Variants in ITGAE observed in about 807,000 individuals in gnomAD.
ITGAE encodes the protein integrin alpha-E.
ITGAE carries 99 observed loss-of-function variants against 136.5 expected under a neutral mutation model. The observed-to-expected ratio is 0.73, with a 90% CI of 0.62 to 0.86. The LOEUF is 0.86. Among genes scored for constraint, ITGAE ranks in the 40% least tolerant of loss-of-function variants. The probability of loss-of-function intolerance (pLI) is 0.00; values close to 1 mark genes in which losing one functional copy is unlikely to be tolerated. For synonymous variants in ITGAE, 613 were observed against 591.8 expected (o/e 1.04, Z -0.52); for missense variants, 1,447 against 1,515.3 (o/e 0.95, Z 0.75).
chr17:3,771,385 TG>T lies in ITGAE; in HGVS notation c.155+6154del, dbSNP rs200023798. On this transcript the variant is annotated intron_variant, in intron 2 of 30. Transcript: ENST00000263087. ...ATGAAAGTCAGCTGGGGGTTACTCTTGGCAGCAGATGTGTCTGGAAGGGAGT... is the reference window on the plus strand; with the variant it reads ...ATGAAAGTCAGCTGGGGGTTACTCTTGCAGCAGATGTGTCTGGAAGGGAGT... Among the ~76,000 whole-genome samples the T allele has an allele frequency of 5.1e-3, 782 of 152,258 alleles. 6 individuals carry two copies. The highest frequency in any genetic ancestry group is 0.018 in the African/African-American group (728 of 41,548).
At chr17:3,772,355 C>T (rs2052444724) in intron 2 of ITGAE, among the ~76,000 whole-genome samples, 1 of 152,140 alleles carries the variant, frequency 6.6e-6, no homozygotes, top group African/African-American at 2.4e-5. Flanking sequence ...CTCTTATTCC[C>T]CAAATATTGC....
chr17:3,720,005 C>T (rs1003276817), intron 29 of ITGAE, among the ~76,000 whole-genome samples: 1 of 152,172 alleles, frequency 6.6e-6, no homozygotes, highest in Admixed American at 6.5e-5. Flanking sequence ...GGATTACAGG[C>T]GTGAGCCACC....
intron 8 of ITGAE, 47 bp downstream of exon 8, chr17:3,759,355 G>A (rs2052109117): frequency 6.3e-7 from 1 of 1,591,266 alleles, no homozygotes. Context: ...TGATGCCACA[G>A]AGACTCTGGG....
At chr17:3,720,235 A>G (rs1420004671) in intron 29 of ITGAE, 72 bp downstream of exon 29, 9 of 731,066 alleles carry the variant, frequency 1.2e-5, no homozygotes. Flanking sequence ...GGGCAACAGA[A>G]TGTCTGTGGA....
chr17:3,790,102 G>C (rs2052902106), intron 1 of ITGAE, among the ~76,000 whole-genome samples: 1 of 152,084 alleles, frequency 6.6e-6, no homozygotes, highest in Admixed American at 6.6e-5. Context: ...ACTCTAGGAA[G>C]GATCTAAGGG....
rs187471254 is a variant in ITGAE, at chr17:3,798,420, C to A, written c.34+2691G>T. On this transcript the variant is annotated intron_variant, in intron 1 of 30. Transcript: ENST00000263087. This position sits in a 1 kb window ranked among gnomAD's most constrained non-coding sequence, Gnocchi z 4.3. ...CCTGCTCCCACTCACACTTCGCCTC[C>A]ATCTTCCTACAAACCAGACTCTTCA... Among the ~76,000 whole-genome samples the A allele has an allele frequency of 2.5e-3, 381 of 152,218 alleles. No homozygotes were observed. Among genetic ancestry groups the A allele is most frequent in the Non-Finnish European group, 4.2e-3 (286 of 67,994 alleles).
chr17:3,786,673 C>T (rs2052805300), intron 1 of ITGAE, among the ~76,000 whole-genome samples: 2 of 152,060 alleles, frequency 1.3e-5, no homozygotes, highest in African/African-American at 4.8e-5. Context: ...CAGCGGATCA[C>T]GAGGTCAAGA....
chr17:3,721,260 CTTTTTTTTTTTTTTTT>C (rs869087347), intron 28 of ITGAE, among the ~76,000 whole-genome samples: 3 of 46,202 alleles, frequency 6.5e-5, no homozygotes, highest in East Asian at 5.5e-4. Flanking sequence ...GAGATTTTTC[CTTTTTTTTTTTTTTTT>C]TTTTTTTTTT....
At chr17:3,755,923 C>CCT in intron 10 of ITGAE, 26 bp from the exon 11 acceptor site, 1 of 1,577,260 alleles carries the variant, frequency 6.3e-7, no homozygotes, top group Non-Finnish European at 8.6e-7. Flanking sequence ...CCCAGTGAGA[C>CCT]TGCTGTGGGC....
chr17:3,781,416 C>T (rs2052664926), intron 1 of ITGAE, among the ~76,000 whole-genome samples: 1 of 151,752 alleles, frequency 6.6e-6, no homozygotes, highest in Admixed American at 6.6e-5. Context: ...GTGGCGCTAT[C>T]TCGGCTCACT....
chr17:3,737,000 A>G (rs1480717743), intron 20 of ITGAE, among the ~76,000 whole-genome samples: 1 of 151,128 alleles, frequency 6.6e-6, no homozygotes, highest in Non-Finnish European at 1.5e-5. Flanking sequence ...AAATAAGGAA[A>G]CAGTAGTGGA....
At position 3,753,822 on chromosome 17, in the gene ITGAE, GC is replaced by G. The variant is rs1236533847; in HGVS notation, c.1487del (p.Gly496AlafsTer71). 6.2e-7 allele frequency: 1 copy of G among 1,614,054 alleles called. No individual in the cohort carries two copies. Among genetic ancestry groups the G allele is most frequent in the African/African-American group, 1.3e-5 (1 of 74,926 alleles). On this transcript the variant is annotated frameshift_variant, in exon 13 of 31. Coordinates refer to ENST00000263087, the MANE Select transcript of ITGAE (RefSeq NM_002208.5). LOFTEE classifies it high-confidence loss of function. Reference protein sequence around the residue: ...HGAVFELQKEGREASFLPVLE... With the variant: ...HGAVFELQKEXREASFLPVLE... ...GCACTGGCAGGAAGCTGGCCTCTCT[GC>G]CCTCCTTCTGGAGCTCAAACACGGC...
chr17:3,800,021 AGG>A (rs2053212678), intron 1 of ITGAE, among the ~76,000 whole-genome samples: 1 of 152,236 alleles, frequency 6.6e-6, no homozygotes, highest in South Asian at 2.1e-4. Flanking sequence ...CGGGAGGCTG[AGG>A]CAGGAGAACT....
At chr17:3,743,641 G>A in intron 18 of ITGAE, 24 bp from the exon 19 acceptor site, 2 of 1,602,082 alleles carry the variant, frequency 1.2e-6, no homozygotes, top group Non-Finnish European at 1.7e-6. Flanking sequence ...ACGGAAGGCA[G>A]GGTTAGAGTT....
chr17:3,784,923 G>A (rs944294168), intron 1 of ITGAE, among the ~76,000 whole-genome samples: 9 of 152,120 alleles, frequency 5.9e-5, no homozygotes, highest in Non-Finnish European at 1.0e-4. Context: ...CTTAAGCTCA[G>A]GAGTTCAAGA....
intron 1 of ITGAE, among the ~76,000 whole-genome samples, chr17:3,787,644 G>C (rs1471942274): frequency 2.6e-5 from 4 of 151,404 alleles, no homozygotes; most frequent in African/African-American, 4.8e-5. Context: ...TCTGGATCCT[G>C]TTAAGCATAT....
intron 1 of ITGAE, among the ~76,000 whole-genome samples, chr17:3,794,537 C>T (rs927643265): frequency 2.6e-5 from 4 of 152,188 alleles, no homozygotes; most frequent in African/African-American, 4.8e-5. Context: ...GGCCCACCCT[C>T]GGTAGGTGCT....
chr17:3,761,696 G>A (rs1006873304), intron 4 of ITGAE, among the ~76,000 whole-genome samples, 176 bp from the exon 5 acceptor site: 3 of 152,184 alleles, frequency 2.0e-5, no homozygotes, highest in South Asian at 2.1e-4. Context: ...GGCCGAGGCC[G>A]ACACCTGCAG....
intron 2 of ITGAE, among the ~76,000 whole-genome samples, chr17:3,773,921 T>A (rs2052483842): frequency 1.3e-5 from 2 of 152,246 alleles, no homozygotes; most frequent in Non-Finnish European, 2.9e-5. Context: ...GTATGCCAGA[T>A]AATGGGACCA....
Sources: gnomAD v4.1 joint callset for allele counts (sites outside exome capture counted in the v4.1 genomes callset) on GRCh38, gnomAD v4.1.1 for gene constraint, Gnocchi (gnomAD v3.1) non-coding constraint, MANE v1.5 for transcripts, NCBI Gene and HGNC (gene_info 2026-07-23, HGNC 2026-07-21) for gene names.